The following EPB41L2 variants were observed in gnomAD, a reference collection of about 807,000 sequenced individuals.
EPB41L2 encodes the protein erythrocyte membrane protein band 4.1 like 2.
Under a neutral mutation model 113.0 loss-of-function variants are expected in EPB41L2, and 43 were observed. That is an observed-to-expected ratio of 0.38 (90% confidence interval 0.30 to 0.49). The LOEUF is 0.49. Among genes scored for constraint, EPB41L2 ranks in the 20% least tolerant of loss-of-function variants. The pLI is 0.95. For synonymous variants in EPB41L2, 442 were observed against 436.7 expected (o/e 1.01, Z -0.15); for missense variants, 1,147 against 1,223.4 (o/e 0.94, Z 0.93).
intron 1 of EPB41L2, among the ~76,000 whole-genome samples, chr6:131,041,176 T>C (rs1359276530): frequency 1.3e-5 from 2 of 152,138 alleles, no homozygotes; most frequent in East Asian, 1.9e-4. Flanking sequence ...TCAACTGATA[T>C]AATAGTGTGC....
Position 130,860,575 on chromosome 6 carries a change from C to T in EPB41L2, c.2911-2332G>A, listed in dbSNP as rs1186853401. On this transcript the variant is annotated intron_variant, in intron 18 of 19. Coordinates refer to ENST00000337057, the MANE Select transcript of EPB41L2 (RefSeq NM_001431.4). ...TGAGACGGAGTCTCGCTCTGTCGCC[C>T]AGGCTGGAGTGCAGTGGCGCGATCT... Among the ~76,000 whole-genome samples, 8 of 152,198 alleles carry T rather than the reference C, an allele frequency of 5.3e-5. No homozygotes were observed. In the East Asian group the frequency reaches 1.5e-3, roughly 29 times the overall value.
At chr6:130,920,209 A>G (rs980443160) in intron 4 of EPB41L2, among the ~76,000 whole-genome samples, 1 of 152,206 alleles carries the variant, frequency 6.6e-6, no homozygotes, top group Admixed American at 6.5e-5. Context: ...ACTGTGCAAT[A>G]TGATAGCCAC....
At chr6:130,965,256 A>G (rs1274513666) in intron 1 of EPB41L2, among the ~76,000 whole-genome samples, 2 of 152,236 alleles carry the variant, frequency 1.3e-5, no homozygotes, top group African/African-American at 4.8e-5. Flanking sequence ...TAGCATTCAT[A>G]GTCAAACAAC....
intron 4 of EPB41L2, among the ~76,000 whole-genome samples, chr6:130,924,571 G>A (rs1804003753): frequency 6.6e-6 from 1 of 151,852 alleles, no homozygotes; most frequent in African/African-American, 2.4e-5. Flanking sequence ...TAGTAGAGAC[G>A]GGGTTTCACC....
chr6:130,910,584 A>C (rs1299554307), intron 4 of EPB41L2, among the ~76,000 whole-genome samples: 1 of 152,240 alleles, frequency 6.6e-6, no homozygotes, highest in African/African-American at 2.4e-5. Flanking sequence ...ATCAGAGTGA[A>C]CAGGTAACCT....
At chr6:130,872,675 T>G in intron 14 of EPB41L2, 2 of 525,234 alleles carry the variant, frequency 3.8e-6, no homozygotes, top group Non-Finnish European at 5.6e-6. Context: ...ATGAGAATTC[T>G]GACAGATTCT....
intron 1 of EPB41L2, among the ~76,000 whole-genome samples, chr6:131,030,586 C>T (rs967578358): frequency 1.3e-5 from 2 of 152,178 alleles, no homozygotes; most frequent in African/African-American, 4.8e-5. Context: ...ATTTTTCAAT[C>T]GCTTACCTCA....
At chr6:131,030,107 C>G (rs1245943688) in intron 1 of EPB41L2, among the ~76,000 whole-genome samples, 5 of 152,172 alleles carry the variant, frequency 3.3e-5, no homozygotes, top group South Asian at 4.1e-4. Flanking sequence ...TTACAGCAAC[C>G]CTAAGAGAAA....
intron 17 of EPB41L2, 57 bp downstream of exon 17, chr6:130,865,479 A>G (rs770310654): frequency 3.9e-6 from 6 of 1,530,016 alleles, no homozygotes; most frequent in Non-Finnish European, 5.4e-6. Context: ...AACAATTCAG[A>G]AAAGATTCTG....
chr6:130,843,660 G>A (rs1776178707), intron 19 of EPB41L2, among the ~76,000 whole-genome samples: 1 of 152,174 alleles, frequency 6.6e-6, no homozygotes, highest in Non-Finnish European at 1.5e-5. Context: ...CCACTGTTCT[G>A]TTTCCAAGTG....
At chr6:131,002,536 G>A (rs34899420) in intron 1 of EPB41L2, among the ~76,000 whole-genome samples, 42,689 of 152,106 alleles carry the variant, frequency 0.28, 7,077 homozygotes, top group Non-Finnish European at 0.37. Context: ...ACACAGCTAC[G>A]AATTCCTACA....
At chr6:131,047,010 G>GA (rs999781431) in intron 1 of EPB41L2, among the ~76,000 whole-genome samples, 1 of 152,152 alleles carries the variant, frequency 6.6e-6, no homozygotes, top group Non-Finnish European at 1.5e-5. Context: ...ATAGGCTCTG[G>GA]AACTAGACAG....
chr6:130,984,369 A>AT (rs1780040915), intron 1 of EPB41L2, among the ~76,000 whole-genome samples: 1 of 152,252 alleles, frequency 6.6e-6, no homozygotes. Context: ...AGTATTATGT[A>AT]CTGTACCTAA....
chr6:130,980,692 C>G (rs886190524), intron 1 of EPB41L2, among the ~76,000 whole-genome samples: 1 of 152,056 alleles, frequency 6.6e-6, no homozygotes, highest in Non-Finnish European at 1.5e-5. Flanking sequence ...CAGAATGGAG[C>G]TAGGTAATCA....
chr6:130,951,156 C>G (rs1814791991), intron 3 of EPB41L2, among the ~76,000 whole-genome samples: 1 of 148,424 alleles, frequency 6.7e-6, no homozygotes, highest in South Asian at 2.1e-4. Flanking sequence ...ACTTGGGAGG[C>G]TGAGGCAGGA....
chr6:130,867,591 A>C lies in EPB41L2; in HGVS notation c.2608-10T>G, dbSNP rs1394405129. The stretch of plus-strand genomic sequence containing the variant: ...TTTTTACCACTGGTGGCTGAGGTGG[A>C]AAAGGAAGGGAAAAATAAATTCTAG... On this transcript the variant is annotated splice_polypyrimidine_tract_variant and intron_variant, in intron 15 of 19. Coordinates refer to ENST00000337057, the MANE Select transcript of EPB41L2 (RefSeq NM_001431.4). 1 of 1,613,544 alleles carries C rather than the reference A, an allele frequency of 6.2e-7. No homozygotes were observed. Among genetic ancestry groups the C allele is most frequent in the Non-Finnish European group, 8.5e-7 (1 of 1,179,584 alleles).
intron 1 of EPB41L2, among the ~76,000 whole-genome samples, chr6:131,022,960 T>C (rs531742241): frequency 7.2e-4 from 110 of 152,354 alleles, no homozygotes; most frequent in African/African-American, 2.5e-3. Context: ...GGAATTTTTG[T>C]CTGTTTTGTA....
Position 130,868,141 on chromosome 6 carries a change from T to G in EPB41L2, c.2608-560A>C, listed in dbSNP as rs538083758. The G allele has an allele frequency of 1.9e-5, 3 of 155,572 alleles. No homozygotes were observed. The East Asian group carries it at 5.7e-4, about 29-fold the overall frequency. The allele number at this position is 155,572 out of a possible 1,614,324, so 9.6% of individuals were successfully genotyped here. A position where few individuals can be genotyped will look rare whatever the true frequency, so the allele number is the denominator to read the frequency against. On this transcript the variant is annotated intron_variant, in intron 15 of 19. Transcript: ENST00000337057. The stretch of plus-strand genomic sequence containing the variant: ...GAAGGCTCACTGCCTTTAACTGGCA[T>G]GCCAGCTAGGTAGGCTAAGATTTGT...
intron 4 of EPB41L2, among the ~76,000 whole-genome samples, chr6:130,915,286 G>A (rs899756991): frequency 6.6e-6 from 1 of 152,172 alleles, no homozygotes; most frequent in Non-Finnish European, 1.5e-5. Context: ...CTGGGCGACA[G>A]AGCGAGACTC....
Sources: gnomAD v4.1 joint callset for allele counts (sites outside exome capture counted in the v4.1 genomes callset) on GRCh38, gnomAD v4.1.1 for gene constraint, MANE v1.5 for transcripts, NCBI Gene and HGNC (gene_info 2026-07-23, HGNC 2026-07-21) for gene names.